The following CC2D2A variants were observed in gnomAD, a reference collection of about 807,000 sequenced individuals.
CC2D2A encodes coiled-coil and C2 domain-containing protein 2A.
A neutral mutation model predicts 212.9 loss-of-function variants in CC2D2A; 155 were observed. The observed-to-expected ratio is 0.73, with a 90% CI of 0.64 to 0.83. The LOEUF is 0.83. CC2D2A is among the 40% of genes least tolerant of loss of function. The pLI is 0.00. For synonymous variants in CC2D2A, 667 were observed against 686.5 expected, an observed-to-expected ratio of 0.97 and a Z score of 0.44; for missense variants, 1,856 against 1,956.2, an observed-to-expected ratio of 0.95 and a Z score of 0.97.
intron 29 of CC2D2A, among the ~76,000 whole-genome samples, chr4:15,576,127 T>C (rs1720393786): frequency 6.6e-6 from 1 of 152,234 alleles, no homozygotes; most frequent in South Asian, 2.1e-4. Context: ...ACTGTGGCTG[T>C]AGAAAGCATT....
chr4:15,557,055 C>G (rs1719317007), intron 20 of CC2D2A, among the ~76,000 whole-genome samples: 1 of 152,158 alleles, frequency 6.6e-6, no homozygotes, highest in South Asian at 2.1e-4. Flanking sequence ...TGTAATAACA[C>G]TACTAGGGAA....
intron 11 of CC2D2A, among the ~76,000 whole-genome samples, chr4:15,518,910 G>A (rs1326811359): frequency 3.3e-5 from 5 of 152,244 alleles, no homozygotes; most frequent in Non-Finnish European, 7.3e-5. Context: ...CTTCAGGCCT[G>A]TGATGGGAGG....
intron 11 of CC2D2A, among the ~76,000 whole-genome samples, chr4:15,517,776 CA>C (rs34575672): frequency 1.3e-5 from 2 of 151,526 alleles, no homozygotes; most frequent in Non-Finnish European, 1.5e-5. Context: ...GGGCAATTTA[CA>C]AAAAAAAGAG....
At chr4:15,484,925 GC>G (rs1714915451) in intron 4 of CC2D2A, among the ~76,000 whole-genome samples, 1 of 152,088 alleles carries the variant, frequency 6.6e-6, no homozygotes. Flanking sequence ...TCCCACCTCT[GC>G]CCTCTTTCCT....
chr4:15,568,513 G>A (rs920936962), intron 26 of CC2D2A, among the ~76,000 whole-genome samples: 2 of 152,162 alleles, frequency 1.3e-5, no homozygotes, highest in Non-Finnish European at 1.5e-5. Flanking sequence ...ACTTGAACCC[G>A]GGAGGTGGAA....
chr4:15,595,725 A>G (rs562119864), intron 33 of CC2D2A: 1 of 158,052 alleles, frequency 6.3e-6, no homozygotes, highest in African/African-American at 2.4e-5. Flanking sequence ...AGATGAATGG[A>G]CACTCAATTC....
chr4:15,499,525 C>T (rs951227753), intron 4 of CC2D2A, among the ~76,000 whole-genome samples: 2 of 152,098 alleles, frequency 1.3e-5, no homozygotes, highest in Admixed American at 1.3e-4. Context: ...GTTTTTAAAA[C>T]TAATAATAAA....
intron 19 of CC2D2A, among the ~76,000 whole-genome samples, chr4:15,554,384 G>T (rs1277075144): frequency 1.3e-5 from 2 of 152,152 alleles, no homozygotes; most frequent in Non-Finnish European, 2.9e-5. Flanking sequence ...TTTAGTAGTT[G>T]GTTTTAGGCT....
chr4:15,517,987 T>C (rs1259207537), intron 11 of CC2D2A, among the ~76,000 whole-genome samples: 1 of 152,084 alleles, frequency 6.6e-6, no homozygotes, highest in African/African-American at 2.4e-5. Context: ...CCCACCCCCA[T>C]AATTCAATCA....
At chr4:15,584,739 C>T (rs1436050831) in intron 30 of CC2D2A, among the ~76,000 whole-genome samples, 3 of 152,126 alleles carry the variant, frequency 2.0e-5, no homozygotes, top group East Asian at 3.8e-4. Flanking sequence ...ATAGTATTTG[C>T]AAGCTGTGTC....
intron 16 of CC2D2A, 54 bp from the exon 17 acceptor site, chr4:15,540,783 G>A (rs1030412702): frequency 1.2e-5 from 17 of 1,465,952 alleles, no homozygotes; most frequent in Non-Finnish European, 1.6e-5. Flanking sequence ...CATATATTTT[G>A]GTGATCTTAG....
chr4:15,497,654 G>C (rs1169710019), intron 4 of CC2D2A, among the ~76,000 whole-genome samples: 1 of 152,140 alleles, frequency 6.6e-6, no homozygotes, highest in African/African-American at 2.4e-5. Flanking sequence ...CCACATCCTT[G>C]TCAATACTTG....
In CC2D2A at chr4:15,599,712, T is replaced by C. The variant is rs1340397034; in HGVS notation, c.4674+6T>C. 1.3e-6 allele frequency: 2 copies of C among 1,591,852 alleles called. No individual in the cohort carries two copies. Among genetic ancestry groups the C allele is most frequent in the East Asian group, 2.2e-5 (1 of 44,472 alleles). ...AACAGCTGGGAGACTACAGGGTAAG[T>C]TACAAATGGATCCTAAACTGACTGT... is the stretch of plus-strand genomic sequence containing the variant. On this transcript the variant is annotated splice_donor_region_variant and intron_variant, in intron 36 of 36. Coordinates refer to ENST00000424120, the MANE Select transcript of CC2D2A (RefSeq NM_001378615.1).
intron 4 of CC2D2A, among the ~76,000 whole-genome samples, chr4:15,493,130 T>C (rs16892051): frequency 0.071 from 10,864 of 152,236 alleles, 752 homozygotes; most frequent in East Asian, 0.27. Flanking sequence ...TTGCATCAGA[T>C]AGTACCCTAC....
intron 29 of CC2D2A, among the ~76,000 whole-genome samples, chr4:15,574,725 T>G (rs1720321191): frequency 6.6e-6 from 1 of 152,262 alleles, no homozygotes; most frequent in Non-Finnish European, 1.5e-5. Context: ...ATGTCTGATC[T>G]TACATCCTTG....
chr4:15,488,725 A>G (rs1379002317), intron 4 of CC2D2A, among the ~76,000 whole-genome samples: 1 of 152,232 alleles, frequency 6.6e-6, no homozygotes, highest in Non-Finnish European at 1.5e-5. Flanking sequence ...TCTGTCCTAC[A>G]AGGCTCCAAG....
Position 15,475,205 on chromosome 4 carries a change from C to T in CC2D2A, c.-18-710C>T, listed in dbSNP as rs546568657. On this transcript the variant is annotated intron_variant, in intron 1 of 36. Transcript: ENST00000424120. ...AGAAGAATCCCTTGAACCTGGAAGG[C>T]GGAGGTTGCAGTGAGCCGAGATCGT... Among the ~76,000 whole-genome samples the T allele has an allele frequency of 8.1e-4, 124 of 152,278 alleles. 1 individual carries two copies. Among genetic ancestry groups the T allele is most frequent in the African/African-American group, 2.8e-3 (115 of 41,558 alleles).
intron 4 of CC2D2A, 43 bp from the exon 5 acceptor site, chr4:15,502,386 T>TTTTG: frequency 6.9e-7 from 1 of 1,439,596 alleles, no homozygotes; most frequent in East Asian, 2.4e-5. Context: ...CTTTTCTTTT[T>TTTTG]CTTTTTTTTT....
At chr4:15,569,461 C>A (rs904801845) in intron 27 of CC2D2A, 72 bp downstream of exon 27, 25 of 857,070 alleles carry the variant, frequency 2.9e-5, no homozygotes, top group Middle Eastern at 2.6e-4. Flanking sequence ...AAGTTCCAAT[C>A]ACATTGTTAC....
Sources: allele counts gnomAD v4.1 joint callset (sites outside exome capture counted in the v4.1 genomes callset), GRCh38; gene constraint gnomAD v4.1.1; transcripts MANE v1.5; gene names NCBI Gene and HGNC (gene_info 2026-07-23, HGNC 2026-07-21).